MAN2A1: variants seen among roughly 807,000 people sequenced by gnomAD.
MAN2A1 encodes alpha-mannosidase 2.
A neutral mutation model predicts 142.6 loss-of-function variants in MAN2A1; 76 were observed. The observed-to-expected ratio is 0.53, with a 90% confidence interval of 0.44 to 0.65. MAN2A1 has a LOEUF of 0.65. Ranked by LOEUF, MAN2A1 falls within the 30% of genes least tolerant of loss-of-function variation. The probability of loss-of-function intolerance (pLI) is 0.00; values close to 1 mark genes in which losing one functional copy is unlikely to be tolerated. For missense variants in MAN2A1, 1,311 were observed against 1,365.1 expected, an observed-to-expected ratio of 0.96 and a Z score of 0.62; for synonymous variants, 559 against 473.2, an observed-to-expected ratio of 1.18 and a Z score of -2.35.
intron 4 of MAN2A1, among the ~76,000 whole-genome samples, chr5:109,745,952 T>C (rs1404909627): frequency 1.3e-5 from 2 of 152,178 alleles, no homozygotes; most frequent in Non-Finnish European, 2.9e-5. Flanking sequence ...ATGACTATTT[T>C]TAAGCTACAG....
Position 109,781,567 on chromosome 5 carries a change from C to T in MAN2A1, c.1546C>T (p.Arg516Ter), listed in dbSNP as rs1197040550. The T allele has an allele frequency of 1.2e-6, 2 of 1,608,492 alleles. No homozygotes were observed. The highest frequency in any genetic ancestry group is 1.7e-6 in the Non-Finnish European group (2 of 1,178,438). ...TTTTACATCCAGACCCTTTTACAAACGAATGGACAGAATCATGGAATCTCA... is the reference window on the plus strand; with the variant it reads ...TTTTACATCCAGACCCTTTTACAAATGAATGGACAGAATCATGGAATCTCA... ...GYFTSRPFYK[R>*]MDRIMESHLR... Residue 516 changes from arginine (R) to a stop codon, truncating the protein, a stop_gained, in exon 9 of 22, where the codon CGA (arginine) becomes TGA (stop). Transcript: ENST00000261483. LOFTEE classifies it high-confidence loss of function.
intron 4 of MAN2A1, among the ~76,000 whole-genome samples, chr5:109,743,279 G>T (rs1026802938): frequency 2.0e-5 from 3 of 152,138 alleles, no homozygotes; most frequent in African/African-American, 7.2e-5. Context: ...TTTCCACACT[G>T]TTGTTTTAAT....
chr5:109,761,655 AT>A (rs922472394), intron 5 of MAN2A1, among the ~76,000 whole-genome samples: 8 of 151,658 alleles, frequency 5.3e-5, no homozygotes, highest in African/African-American at 7.2e-5. Context: ...CTACATTTGT[AT>A]TTTTTTTATT....
chr5:109,854,051 T>G (rs943911946), intron 19 of MAN2A1: 1 of 152,164 alleles, frequency 6.6e-6, no homozygotes, highest in Non-Finnish European at 1.5e-5. Flanking sequence ...AAGCTGTATA[T>G]CTCTATAAAT....
At chr5:109,775,124 A>G (rs920259834) in intron 8 of MAN2A1, among the ~76,000 whole-genome samples, 159 bp downstream of exon 8, 2 of 152,176 alleles carry the variant, frequency 1.3e-5, no homozygotes, top group African/African-American at 2.4e-5. Flanking sequence ...GAAAATTATT[A>G]TATGCTATAG....
chr5:109,817,516 C>A, intron 13 of MAN2A1, 78 bp downstream of exon 13: 3 of 1,371,136 alleles, frequency 2.2e-6, no homozygotes, highest in South Asian at 1.3e-5. Flanking sequence ...TGTACAGTAG[C>A]CCCCATTTAG....
At chr5:109,843,473 T>A (rs562886768) in intron 17 of MAN2A1, among the ~76,000 whole-genome samples, 5 of 152,288 alleles carry the variant, frequency 3.3e-5, no homozygotes, top group African/African-American at 1.2e-4. Context: ...CTATATTAGT[T>A]GTCCTCATAA....
In MAN2A1 at chr5:109,736,576, A is replaced by G. The variant is rs151207638; in HGVS notation, c.707+7063A>G. ...ACCTTACTTCTTGAGCATGAAAAAT[A>G]TTTCGTATTTTCTAAGAAAATAATT... On this transcript the variant is annotated intron_variant, in intron 4 of 21. Coordinates refer to ENST00000261483, the MANE Select transcript of MAN2A1 (RefSeq NM_002372.4). 7.9e-5 allele frequency among the ~76,000 whole-genome samples: 12 copies of G among 152,198 alleles called. No homozygotes were observed. The East Asian group carries it at 1.9e-3, about 25-fold the overall frequency.
Position 109,729,347 on chromosome 5 carries a change from T to C in MAN2A1, c.541T>C (p.Leu181=), listed in dbSNP as rs1360502504. ...VPHSHNDPGW[L]KTFNDYFRDK... The stretch of plus-strand genomic sequence containing the variant: ...ATATTTGTGTCTTGATTTAGGTTGG[T>C]TGAAGACTTTCAATGACTACTTTAG... Residue 181 remains leucine, a synonymous_variant, in exon 4 of 22, where the codon TTG becomes CTG. Transcript: ENST00000261483. 1 of 1,599,954 alleles carries C rather than the reference T, an allele frequency of 6.3e-7. No individual in the cohort carries two copies. The highest frequency in any genetic ancestry group is 1.3e-5 in the African/African-American group (1 of 74,272).
chr5:109,799,573 G>A (rs941470257), intron 12 of MAN2A1, among the ~76,000 whole-genome samples: 35 of 151,928 alleles, frequency 2.3e-4, no homozygotes, highest in African/African-American at 8.5e-4. Context: ...TGACCAATAT[G>A]GAGAAACCCC....
intron 16 of MAN2A1, among the ~76,000 whole-genome samples, chr5:109,839,974 A>AG (rs1303009025): frequency 6.6e-6 from 1 of 151,186 alleles, no homozygotes; most frequent in Non-Finnish European, 1.5e-5. Context: ...AGCCTCTGGA[A>AG]GGCCATTTTA....
chr5:109,860,985 C>A lies in MAN2A1; in HGVS notation c.3172-4051C>A, dbSNP rs541326621. On this transcript the variant is annotated intron_variant, in intron 20 of 21. Coordinates refer to ENST00000261483, the MANE Select transcript of MAN2A1 (RefSeq NM_002372.4). ...AAAAATATTTTTTATCTTTTCTCTC[C>A]TGGCTAGGTATCTATGAGCACAAAT... Among the ~76,000 whole-genome samples, 5 of 152,182 alleles carry A rather than the reference C, an allele frequency of 3.3e-5. No individual in the cohort carries two copies. In the East Asian group the frequency reaches 9.7e-4, roughly 29 times the overall value.
At chr5:109,753,122 A>G (rs989465656) in intron 4 of MAN2A1, among the ~76,000 whole-genome samples, 7 of 152,172 alleles carry the variant, frequency 4.6e-5, no homozygotes, top group Admixed American at 4.6e-4. Context: ...GAAATTTTCC[A>G]AAAGATCTAT....
At chr5:109,714,593 C>T (rs527823244) in intron 2 of MAN2A1, among the ~76,000 whole-genome samples, 1 of 152,302 alleles carries the variant, frequency 6.6e-6, no homozygotes, top group South Asian at 2.1e-4. Context: ...CACATTGGCT[C>T]TGCAAATTAG....
At chr5:109,697,584 A>G (rs923207921) in intron 1 of MAN2A1, among the ~76,000 whole-genome samples, 3 of 152,210 alleles carry the variant, frequency 2.0e-5, no homozygotes, top group Admixed American at 6.5e-5. Flanking sequence ...TGGTTTAATA[A>G]TGTTTCATGA....
At chr5:109,814,889 G>C (rs1754412179) in intron 12 of MAN2A1, among the ~76,000 whole-genome samples, 1 of 152,086 alleles carries the variant, frequency 6.6e-6, no homozygotes, top group African/African-American at 2.4e-5. Flanking sequence ...GGCTGTAGTG[G>C]AGCACCCAAA....
At chr5:109,811,812 C>G (rs998296232) in intron 12 of MAN2A1, among the ~76,000 whole-genome samples, 13 of 152,102 alleles carry the variant, frequency 8.5e-5, no homozygotes, top group Non-Finnish European at 1.8e-4. Context: ...TCTTTCTCTC[C>G]TTTCTTTGCT....
intron 10 of MAN2A1, among the ~76,000 whole-genome samples, chr5:109,786,319 G>C (rs1753594541): frequency 6.6e-6 from 1 of 152,094 alleles, no homozygotes; most frequent in Non-Finnish European, 1.5e-5. Context: ...CTTAGAATCA[G>C]ACCAGGGTAG....
intron 3 of MAN2A1, among the ~76,000 whole-genome samples, chr5:109,718,558 C>A (rs978000436): frequency 1.3e-5 from 2 of 152,272 alleles, no homozygotes; most frequent in Admixed American, 6.5e-5. Flanking sequence ...AGAACATATG[C>A]CTCCTATTAA....
Sources: allele counts gnomAD v4.1 joint callset (sites outside exome capture counted in the v4.1 genomes callset), GRCh38; gene constraint gnomAD v4.1.1; transcripts MANE v1.5; gene names NCBI Gene and HGNC (gene_info 2026-07-23, HGNC 2026-07-21).